Variants in PDGFC observed in about 807,000 individuals in gnomAD.
The protein encoded by PDGFC is platelet derived growth factor C.
PDGFC carries 12 observed loss-of-function variants against 35.5 expected under a neutral mutation model. The ratio of observed to expected loss-of-function variants is 0.34; its 90% CI spans 0.22 to 0.55. PDGFC has a LOEUF of 0.55. Ranked by LOEUF, PDGFC falls within the 20% of genes least tolerant of loss-of-function variation. PDGFC has a pLI of 0.91. For synonymous variants in PDGFC, 159 were observed against 148.8 expected (o/e 1.07, Z -0.50); for missense variants, 322 against 412.4 (o/e 0.78, Z 1.90).
intron 4 of PDGFC, chr4:156,770,478 T>TA (rs1032092642): frequency 3.6e-4 from 55 of 151,524 alleles, no homozygotes; most frequent in African/African-American, 1.3e-3. Context: ...ATAGTACTTT[T>TA]GGGGGGGGAA....
At chr4:156,912,118 T>G (rs1241061356) in intron 1 of PDGFC, among the ~76,000 whole-genome samples, 1 of 152,136 alleles carries the variant, frequency 6.6e-6, no homozygotes. Context: ...GATTTTTTTC[T>G]GGAGGTCAGG....
At chr4:156,827,283 G>A (rs1728794526) in intron 2 of PDGFC, among the ~76,000 whole-genome samples, 1 of 152,068 alleles carries the variant, frequency 6.6e-6, no homozygotes, top group Non-Finnish European at 1.5e-5. Context: ...CGGGTGTGGT[G>A]GCGGGCACCT....
intron 1 of PDGFC, among the ~76,000 whole-genome samples, chr4:156,913,735 T>C (rs189704227): frequency 8.5e-5 from 13 of 152,284 alleles, no homozygotes; most frequent in Admixed American, 5.9e-4. Flanking sequence ...GCCTCTCCTC[T>C]GCATTACACA....
At chr4:156,895,023 C>G (rs1403850289) in intron 1 of PDGFC, among the ~76,000 whole-genome samples, 1 of 152,134 alleles carries the variant, frequency 6.6e-6, no homozygotes, top group Non-Finnish European at 1.5e-5. Context: ...GTTTGTAAGA[C>G]AGTAGAAATT....
At chr4:156,873,386 T>C (rs1289096941) in intron 1 of PDGFC, among the ~76,000 whole-genome samples, 1 of 152,188 alleles carries the variant, frequency 6.6e-6, no homozygotes, top group Admixed American at 6.5e-5. Context: ...GGTTCCAGAA[T>C]GATTCTGAAC....
chr4:156,946,198 A>T (rs998359691), intron 1 of PDGFC, among the ~76,000 whole-genome samples: 2 of 152,086 alleles, frequency 1.3e-5, no homozygotes, highest in African/African-American at 4.8e-5. Context: ...GATAGAGAGG[A>T]AACAACTTTA....
chr4:156,903,334 T>C (rs1336667538), intron 1 of PDGFC, among the ~76,000 whole-genome samples: 1 of 152,074 alleles, frequency 6.6e-6, no homozygotes, highest in Non-Finnish European at 1.5e-5. Flanking sequence ...ATTTAAGTCC[T>C]AGTGGGAAAA....
chr4:156,891,857 C>T lies in PDGFC; in HGVS notation c.119-41441G>A, dbSNP rs185848818. Among the ~76,000 whole-genome samples the T allele has an allele frequency of 9.2e-5, 14 of 152,182 alleles. 1 individual carries two copies. In the East Asian group the frequency reaches 2.5e-3, roughly 27 times the overall value. Reference sequence around the variant, plus strand: ...AAGCTTTGATTACAAGTGATCATTCCCCCTAAAAAGAAACTTGCCATGGGT... The same window carrying T: ...AAGCTTTGATTACAAGTGATCATTCTCCCTAAAAAGAAACTTGCCATGGGT... On this transcript the variant is annotated intron_variant, in intron 1 of 5. Coordinates refer to ENST00000502773, the MANE Select transcript of PDGFC (RefSeq NM_016205.3).
chr4:156,793,330 G>C (rs1436326588), intron 3 of PDGFC, among the ~76,000 whole-genome samples: 1 of 151,534 alleles, frequency 6.6e-6, no homozygotes, highest in African/African-American at 2.4e-5. Context: ...TTCCCAGAAA[G>C]GGACGTAAAA....
At chr4:156,778,197 T>C (rs542141790) in intron 3 of PDGFC, 200 of 394,366 alleles carry the variant, frequency 5.1e-4, no homozygotes, top group Non-Finnish European at 8.0e-4. Context: ...GAGAAAATGC[T>C]TGCCTTTGTG....
At chr4:156,780,832 C>T (rs1004038518) in intron 3 of PDGFC, among the ~76,000 whole-genome samples, 12 of 152,132 alleles carry the variant, frequency 7.9e-5, no homozygotes, top group South Asian at 4.1e-4. Flanking sequence ...ATGGCTGAAT[C>T]CAATGGTCTG....
chr4:156,925,644 C>T (rs1463828717), intron 1 of PDGFC, among the ~76,000 whole-genome samples: 1 of 150,954 alleles, frequency 6.6e-6, no homozygotes, highest in Non-Finnish European at 1.5e-5. Context: ...TAGAGAGAAA[C>T]ATCAGAACTC....
chr4:156,773,002 A>T, intron 3 of PDGFC, 109 bp from the exon 4 acceptor site: 1 of 698,778 alleles, frequency 1.4e-6, no homozygotes, highest in Non-Finnish European at 2.5e-6. Flanking sequence ...GTGTGAAGGG[A>T]AATTGTATTG....
intron 1 of PDGFC, among the ~76,000 whole-genome samples, chr4:156,881,048 T>C (rs1385459973): frequency 6.6e-6 from 1 of 152,208 alleles, no homozygotes; most frequent in Non-Finnish European, 1.5e-5. Flanking sequence ...TGAAATGTTG[T>C]AAAATGGCAT....
At chr4:156,897,083 A>C (rs1475054981) in intron 1 of PDGFC, among the ~76,000 whole-genome samples, 2 of 152,172 alleles carry the variant, frequency 1.3e-5, no homozygotes, top group Middle Eastern at 3.2e-3. Context: ...CTTAAAATGT[A>C]CATACTTCTA....
chr4:156,899,538 G>A (rs1253006994), intron 1 of PDGFC, among the ~76,000 whole-genome samples: 1 of 152,138 alleles, frequency 6.6e-6, no homozygotes, highest in Non-Finnish European at 1.5e-5. Context: ...AATTAGCTTG[G>A]GTGTGGTGGC....
At chr4:156,829,065 T>C (rs1440177038) in intron 2 of PDGFC, among the ~76,000 whole-genome samples, 1 of 152,196 alleles carries the variant, frequency 6.6e-6, no homozygotes. Context: ...ATTTAACTTC[T>C]ATTATGAGAA....
chr4:156,862,968 T>C (rs1016640064), intron 1 of PDGFC, among the ~76,000 whole-genome samples: 5 of 152,108 alleles, frequency 3.3e-5, no homozygotes, highest in Admixed American at 6.6e-5. Flanking sequence ...ACTTGGATTA[T>C]AGGCCTGAGC....
intron 3 of PDGFC, among the ~76,000 whole-genome samples, chr4:156,809,066 T>C (rs1244094284): frequency 6.6e-6 from 1 of 152,012 alleles, no homozygotes; most frequent in African/African-American, 2.4e-5. Flanking sequence ...ATAGTTTAAT[T>C]ACAAGAACTC....
Sources: gnomAD v4.1 joint callset for allele counts (sites outside exome capture counted in the v4.1 genomes callset) on GRCh38, gnomAD v4.1.1 for gene constraint, MANE v1.5 for transcripts, NCBI Gene and HGNC (gene_info 2026-07-23, HGNC 2026-07-21) for gene names.